Variants in SLC49A4 observed in about 807,000 individuals in gnomAD.
SLC49A4 encodes the protein disrupted in renal cancer protein 2.
Under a neutral mutation model 50.6 loss-of-function variants are expected in SLC49A4, and 36 were observed. The ratio of observed to expected loss-of-function variants is 0.71; its 90% CI spans 0.55 to 0.94. SLC49A4 has a LOEUF of 0.94. SLC49A4 is among the 40% of genes least tolerant of loss of function. The pLI, the probability that SLC49A4 is intolerant of heterozygous loss-of-function variation, is 0.00. For missense variants in SLC49A4, 503 were observed against 605.7 expected (o/e 0.83, Z 1.78); for synonymous variants, 248 against 241.2 (o/e 1.03, Z -0.26).
intron 5 of SLC49A4, among the ~76,000 whole-genome samples, chr3:122,854,900 G>A (rs559216556): frequency 1.3e-5 from 2 of 152,238 alleles, no homozygotes; most frequent in South Asian, 4.1e-4. Flanking sequence ...GACCATCCTG[G>A]CTAACACGGT....
chr3:122,825,636 A>C (rs995513189), intron 2 of SLC49A4, among the ~76,000 whole-genome samples: 1 of 118,264 alleles, frequency 8.5e-6, no homozygotes, highest in African/African-American at 2.9e-5. Context: ...ATGGCAGTTT[A>C]AAAAAAAAAA....
intron 2 of SLC49A4, among the ~76,000 whole-genome samples, chr3:122,820,688 G>A (rs561932927): frequency 1.5e-4 from 23 of 152,310 alleles, no homozygotes; most frequent in African/African-American, 4.8e-4. Flanking sequence ...TCCATCCCAC[G>A]CACCCCTGCA....
chr3:122,848,114 T>C (rs1936881267), intron 5 of SLC49A4, among the ~76,000 whole-genome samples: 1 of 152,220 alleles, frequency 6.6e-6, no homozygotes, highest in African/African-American at 2.4e-5. Context: ...ACAGTGCTGT[T>C]CTGGAGCTCT....
intron 7 of SLC49A4, among the ~76,000 whole-genome samples, chr3:122,867,927 A>G (rs992553348): frequency 1.3e-5 from 2 of 151,032 alleles, no homozygotes; most frequent in African/African-American, 4.9e-5. Context: ...CATCCTGGCT[A>G]ACACGGTGAA....
intron 8 of SLC49A4, 68 bp from the exon 9 acceptor site, chr3:122,879,195 C>T (rs543358232): frequency 5.1e-5 from 57 of 1,127,200 alleles, no homozygotes; most frequent in East Asian, 9.4e-5. Context: ...AGATTCCTTC[C>T]GGCATACAGG....
chr3:122,829,070 A>G (rs947879525), intron 3 of SLC49A4, among the ~76,000 whole-genome samples: 3 of 152,240 alleles, frequency 2.0e-5, no homozygotes, highest in Non-Finnish European at 4.4e-5. Flanking sequence ...CTGTACTAGA[A>G]TTGTCATTTT....
At chr3:122,810,237 T>C (rs554602629) in intron 2 of SLC49A4, among the ~76,000 whole-genome samples, 47 of 152,338 alleles carry the variant, frequency 3.1e-4, no homozygotes, top group African/African-American at 1.1e-3. Flanking sequence ...GTTCTACTTA[T>C]ATATAGTATC....
chr3:122,872,461 C>T lies in SLC49A4; in HGVS notation c.1185C>T (p.Ser395=). Residue 395 remains serine, a synonymous_variant, in exon 8 of 9, where the codon AGC becomes AGT. Transcript: ENST00000261038. ...SCILLGVFLN[S]SVPIFFELFV... is the part of the protein sequence containing the mutation. ...TTCTCCTGGGAGTGTTCTTGAATAG[C>T]AGCGTGCCTATATTTTTTGAGCTTT... 1 of 1,613,998 alleles carries T rather than the reference C, an allele frequency of 6.2e-7. No individual in the cohort carries two copies. The highest frequency in any genetic ancestry group is 8.5e-7 in the Non-Finnish European group (1 of 1,179,898).
At chr3:122,810,195 T>C (rs1301884983) in intron 2 of SLC49A4, among the ~76,000 whole-genome samples, 1 of 152,206 alleles carries the variant, frequency 6.6e-6, no homozygotes, top group African/African-American at 2.4e-5. Context: ...GACATGAGAA[T>C]AGCAGCATTC....
chr3:122,831,483 GAAC>G (rs1305245130), intron 3 of SLC49A4, among the ~76,000 whole-genome samples: 1 of 152,032 alleles, frequency 6.6e-6, no homozygotes, highest in East Asian at 1.9e-4. Context: ...TGACCCTTGA[GAAC>G]ATTATGCAAA....
At chr3:122,823,236 A>G (rs1035186138) in intron 2 of SLC49A4, among the ~76,000 whole-genome samples, 2 of 152,240 alleles carry the variant, frequency 1.3e-5, no homozygotes, top group Non-Finnish European at 1.5e-5. Flanking sequence ...CCTGCTGTGT[A>G]CTTCCTAGGC....
intron 7 of SLC49A4, among the ~76,000 whole-genome samples, chr3:122,864,314 C>T (rs368104932): frequency 1.2e-4 from 19 of 152,242 alleles, no homozygotes; most frequent in South Asian, 6.2e-4. Flanking sequence ...CCAGATAACA[C>T]GAGTTTCAAA....
At chr3:122,820,739 T>C (rs1936437378) in intron 2 of SLC49A4, among the ~76,000 whole-genome samples, 1 of 152,230 alleles carries the variant, frequency 6.6e-6, no homozygotes, top group South Asian at 2.1e-4. Flanking sequence ...TCGAGGGCAG[T>C]GGGACTCTGC....
At chr3:122,822,173 G>A (rs1016295091) in intron 2 of SLC49A4, among the ~76,000 whole-genome samples, 1 of 152,154 alleles carries the variant, frequency 6.6e-6, no homozygotes, top group African/African-American at 2.4e-5. Context: ...TAAACTGTGT[G>A]GTTGACTTCA....
At chr3:122,860,534 A>T (rs920365459) in intron 7 of SLC49A4, among the ~76,000 whole-genome samples, 4 of 152,208 alleles carry the variant, frequency 2.6e-5, no homozygotes, top group Non-Finnish European at 5.9e-5. Flanking sequence ...CTGTTAAATA[A>T]TAATAATAAT....
At chr3:122,827,209 CAT>C in intron 3 of SLC49A4, 144 bp downstream of exon 3, 5 of 896,806 alleles carry the variant, frequency 5.6e-6, no homozygotes, top group Non-Finnish European at 6.6e-6. Context: ...CATTCCTTGT[CAT>C]ATGATATAGA....
intron 7 of SLC49A4, among the ~76,000 whole-genome samples, chr3:122,866,756 G>A (rs575906590): frequency 3.7e-4 from 57 of 152,110 alleles, no homozygotes; most frequent in African/African-American, 1.3e-3. Flanking sequence ...ATCGGATGTG[G>A]ATTCCACACC....
chr3:122,866,204 G>GTTTTT (rs34457229), intron 7 of SLC49A4, among the ~76,000 whole-genome samples: 2 of 123,536 alleles, frequency 1.6e-5, no homozygotes, highest in African/African-American at 3.0e-5. Context: ...AACTTTCGTT[G>GTTTTT]TTTTTTTTTT....
intron 4 of SLC49A4, among the ~76,000 whole-genome samples, chr3:122,845,026 T>C (rs1936829173): frequency 6.6e-6 from 1 of 152,134 alleles, no homozygotes; most frequent in African/African-American, 2.4e-5. Context: ...GTAAATTCCA[T>C]GTCATGGGGG....
Sources: allele counts gnomAD v4.1 joint callset (sites outside exome capture counted in the v4.1 genomes callset), GRCh38; gene constraint gnomAD v4.1.1; transcripts MANE v1.5; gene names NCBI Gene and HGNC (gene_info 2026-07-23, HGNC 2026-07-21).